POU2F1: variants seen among roughly 807,000 people sequenced by gnomAD.
POU2F1 encodes the protein POU class 2 homeobox 1.
In POU2F1, 16 loss-of-function variants were observed where a neutral mutation model predicts 84.9. The ratio of observed to expected loss-of-function variants is 0.19; its 90% confidence interval spans 0.13 to 0.29. The LOEUF (loss-of-function observed/expected upper bound fraction) is 0.29. POU2F1 is among the 10% of genes least tolerant of loss of function. The pLI is 1.00. For missense variants in POU2F1, 738 were observed against 942.6 expected, an observed-to-expected ratio of 0.78 and a Z score of 2.84; for synonymous variants, 368 against 368.3, an observed-to-expected ratio of 1.00 and a Z score of 0.01.
intron 1 of POU2F1, among the ~76,000 whole-genome samples, chr1:167,303,026 A>T (rs541191315): frequency 6.6e-6 from 1 of 152,316 alleles, no homozygotes; most frequent in South Asian, 2.1e-4. Flanking sequence ...GAATACATCC[A>T]TAGCAACCTG....
At position 167,422,195 on chromosome 1, in the gene POU2F1, A is replaced by G. The variant is rs894022456; in HGVS notation, c.*6385A>G. The G allele has an allele frequency of 2.6e-5, 4 of 152,222 alleles. No homozygotes were observed. Among genetic ancestry groups the G allele is most frequent in the Admixed American group, 6.5e-5 (1 of 15,288 alleles). 9.4% of individuals were successfully genotyped at this position (152,222 alleles called of 1,614,324 possible). On this transcript the variant is annotated 3_prime_UTR_variant, in exon 16 of 16. Transcript: ENST00000367866. The stretch of plus-strand genomic sequence containing the variant: ...TCCTAATGATTCATTACCTCTGTAC[A>G]TAGCAAAAGCATAGGCAAAGGATGA...
intron 9 of POU2F1, among the ~76,000 whole-genome samples, chr1:167,391,559 CTTTTTT>C (rs1175783404): frequency 1.6e-4 from 9 of 57,874 alleles, no homozygotes; most frequent in Non-Finnish European, 2.1e-4. Context: ...TTATATATAT[CTTTTTT>C]TTTTTTTTTT....
chr1:167,270,313 T>C (rs1652280165), intron 1 of POU2F1, among the ~76,000 whole-genome samples: 1 of 152,176 alleles, frequency 6.6e-6, no homozygotes, highest in African/African-American at 2.4e-5. Flanking sequence ...GTTAACTACT[T>C]GAGGAAATGT....
intron 13 of POU2F1, among the ~76,000 whole-genome samples, chr1:167,403,679 C>T (rs1012276534): frequency 1.3e-5 from 2 of 152,172 alleles, no homozygotes; most frequent in Non-Finnish European, 2.9e-5. Context: ...GTAATGCAAT[C>T]TGCTTTCTTC....
At chr1:167,256,067 G>T (rs938702895) in intron 1 of POU2F1, among the ~76,000 whole-genome samples, 3 of 152,160 alleles carry the variant, frequency 2.0e-5, no homozygotes, top group African/African-American at 7.2e-5. Flanking sequence ...TTCAAGGTGG[G>T]CACATTACTC....
chr1:167,385,314 G>A (rs1041483003), intron 8 of POU2F1, among the ~76,000 whole-genome samples: 1 of 152,100 alleles, frequency 6.6e-6, no homozygotes, highest in Non-Finnish European at 1.5e-5. Context: ...AGGCTTTTTT[G>A]TAGAAATTTG....
At chr1:167,260,193 A>G (rs1353045329) in intron 1 of POU2F1, among the ~76,000 whole-genome samples, 1 of 152,174 alleles carries the variant, frequency 6.6e-6, no homozygotes, top group Non-Finnish European at 1.5e-5. Context: ...TGTTTCTTCT[A>G]TGAATTGCCA....
chr1:167,401,510 T>C lies in POU2F1; in HGVS notation c.1509T>C (p.Pro503=), dbSNP rs970029825. The change falls in exon 13 of 16, where the codon CCT becomes CCC. Residue 503 remains proline, a synonymous_variant. Coordinates refer to ENST00000367866, the MANE Select transcript of POU2F1 (RefSeq NM_002697.4). ...SSAATTLTVS[P]VLPLTSAAVT... is the part of the protein sequence containing the mutation. ...CAGCAACTACCCTCACAGTCAGCCC[T>C]GTCCTCCCTCTGACCAGTGCTGCTG... The C allele has an allele frequency of 1.1e-5, 18 of 1,613,286 alleles. No individual in the cohort carries two copies. The highest frequency in any genetic ancestry group is 3.3e-5 in the Admixed American group (2 of 59,916).
intron 13 of POU2F1, among the ~76,000 whole-genome samples, chr1:167,406,633 A>ATTTTTT (rs1351083192): frequency 6.6e-6 from 1 of 152,222 alleles, no homozygotes; most frequent in Non-Finnish European, 1.5e-5. Context: ...CACCAAAAAA[A>ATTTTTT]GGTATCTAGG....
At chr1:167,314,618 A>G (rs1655746419) in intron 1 of POU2F1, among the ~76,000 whole-genome samples, 1 of 152,052 alleles carries the variant, frequency 6.6e-6, no homozygotes, top group African/African-American at 2.4e-5. Flanking sequence ...CTCTACAAAA[A>G]TAAAAATAAG....
chr1:167,268,345 C>G (rs1258487364), intron 1 of POU2F1, among the ~76,000 whole-genome samples: 1 of 152,120 alleles, frequency 6.6e-6, no homozygotes, highest in African/African-American at 2.4e-5. Flanking sequence ...GGCAGTAGAA[C>G]TAATTTTTTC....
chr1:167,396,694 C>G, intron 10 of POU2F1: 1 of 336,568 alleles, frequency 3.0e-6, no homozygotes. Flanking sequence ...GGAACACACA[C>G]ACACACACAC....
chr1:167,409,956 CAG>C lies in POU2F1; in HGVS notation c.1556-2002_1556-2001del, dbSNP rs373210863. On this transcript the variant is annotated intron_variant, in intron 13 of 15. Coordinates refer to ENST00000367866, the MANE Select transcript of POU2F1 (RefSeq NM_002697.4). ...AAAAGATGTTCACCTTACTATGTGA[CAG>C]GGGGCATGTCTTAAGAGAAGATTAA... Among the ~76,000 whole-genome samples the C allele has an allele frequency of 4.8e-4, 73 of 152,224 alleles. No individual in the cohort carries two copies. In the East Asian group the frequency reaches 6.4e-3, roughly 13 times the overall value.
intron 1 of POU2F1, among the ~76,000 whole-genome samples, chr1:167,273,364 G>A (rs1343534531): frequency 1.3e-5 from 2 of 152,232 alleles, no homozygotes; most frequent in Admixed American, 1.3e-4. Flanking sequence ...CACTGCCTCT[G>A]TGGCGACTGT....
intron 1 of POU2F1, among the ~76,000 whole-genome samples, chr1:167,295,320 T>C (rs1328752078): frequency 6.6e-6 from 1 of 152,312 alleles, no homozygotes; most frequent in Non-Finnish European, 1.5e-5. Flanking sequence ...AAATGTGATA[T>C]GTATACACCG....
chr1:167,286,439 C>A (rs1356965214), intron 1 of POU2F1, among the ~76,000 whole-genome samples: 3 of 152,126 alleles, frequency 2.0e-5, no homozygotes, highest in Non-Finnish European at 4.4e-5. Context: ...CCTCTGGTAG[C>A]CTTTATTGTC....
chr1:167,407,668 T>TAA (rs1380316183), intron 13 of POU2F1, among the ~76,000 whole-genome samples: 1 of 152,056 alleles, frequency 6.6e-6, no homozygotes, highest in Non-Finnish European at 1.5e-5. Flanking sequence ...CTTCAACAAA[T>TAA]GGTTCTAGGA....
At chr1:167,395,444 C>T (rs1320903380) in intron 9 of POU2F1, among the ~76,000 whole-genome samples, 2 of 151,754 alleles carry the variant, frequency 1.3e-5, no homozygotes, top group East Asian at 3.9e-4. Flanking sequence ...TTCACTGCGT[C>T]CAGAAATACT....
intron 6 of POU2F1, among the ~76,000 whole-genome samples, chr1:167,375,565 A>AT (rs1343080714): frequency 6.6e-6 from 1 of 152,176 alleles, no homozygotes; most frequent in African/African-American, 2.4e-5. Context: ...TTGAATACTG[A>AT]TTTTTCAGTT....
Sources: allele counts gnomAD v4.1 joint callset (sites outside exome capture counted in the v4.1 genomes callset), GRCh38; gene constraint gnomAD v4.1.1; transcripts MANE v1.5; gene names NCBI Gene and HGNC (gene_info 2026-07-23, HGNC 2026-07-21).